The following MDGA2 variants were observed in gnomAD, a reference collection of about 807,000 sequenced individuals.
The protein encoded by MDGA2 is MAM domain-containing glycosylphosphatidylinositol anchor protein 2.
A neutral mutation model predicts 117.8 loss-of-function variants in MDGA2; 40 were observed. The observed-to-expected ratio is 0.34, with a 90% confidence interval of 0.26 to 0.44. The LOEUF (loss-of-function observed/expected upper bound fraction) is 0.44, where lower values mean the gene tolerates loss of function less well. Among genes scored for constraint, MDGA2 ranks in the 20% least tolerant of loss-of-function variants. The pLI is 1.00. For synonymous variants in MDGA2, 452 were observed against 439.0 expected (o/e 1.03, Z -0.37); for missense variants, 1,123 against 1,250.6 (o/e 0.90, Z 1.54).
intron 3 of MDGA2, among the ~76,000 whole-genome samples, chr14:47,183,664 G>A (rs1241349052): frequency 6.6e-6 from 1 of 151,998 alleles, no homozygotes; most frequent in East Asian, 1.9e-4. Flanking sequence ...CTTTGGGCTA[G>A]GAATTGCGCA....
chr14:47,062,634 C>T (rs770994616), intron 6 of MDGA2, among the ~76,000 whole-genome samples: 77 of 151,652 alleles, frequency 5.1e-4, no homozygotes, highest in Non-Finnish European at 1.0e-3. Context: ...AACATTAAGC[C>T]TAAATATGTA....
At chr14:47,185,330 T>C (rs897731949) in intron 3 of MDGA2, among the ~76,000 whole-genome samples, 2 of 151,522 alleles carry the variant, frequency 1.3e-5, no homozygotes, top group African/African-American at 2.4e-5. Flanking sequence ...CAGGTGGTGT[T>C]CTTTAATCAC....
At chr14:47,402,429 C>A (rs751915520) in intron 1 of MDGA2, among the ~76,000 whole-genome samples, 1 of 146,684 alleles carries the variant, frequency 6.8e-6, no homozygotes, top group African/African-American at 2.6e-5. Flanking sequence ...TTATTTGCTA[C>A]AATCAGAAGG....
At chr14:46,868,420 A>G (rs1160866643) in intron 14 of MDGA2, among the ~76,000 whole-genome samples, 3 of 151,926 alleles carry the variant, frequency 2.0e-5, no homozygotes, top group Non-Finnish European at 4.4e-5. Context: ...TCAAGCCTAC[A>G]GTTCAGCAGG....
intron 10 of MDGA2, among the ~76,000 whole-genome samples, chr14:46,911,729 T>C (rs1883712964): frequency 6.6e-6 from 1 of 152,216 alleles, no homozygotes; most frequent in African/African-American, 2.4e-5. Context: ...CCATGGCATA[T>C]TTCTGGTAAT....
At chr14:47,005,867 T>C (rs1184722206) in intron 8 of MDGA2, among the ~76,000 whole-genome samples, 2 of 151,690 alleles carry the variant, frequency 1.3e-5, no homozygotes, top group East Asian at 1.9e-4. Flanking sequence ...AAGCCACGTG[T>C]AGTATTTTTA....
chr14:47,228,783 A>G (rs1220711862), intron 2 of MDGA2, among the ~76,000 whole-genome samples: 4 of 152,144 alleles, frequency 2.6e-5, no homozygotes, highest in Admixed American at 2.0e-4. Flanking sequence ...AAAGGATACA[A>G]GCTCCTGAGT....
intron 11 of MDGA2, among the ~76,000 whole-genome samples, chr14:46,881,141 T>C (rs1288975763): frequency 6.6e-6 from 1 of 151,962 alleles, no homozygotes; most frequent in African/African-American, 2.4e-5. Flanking sequence ...GATATGTATA[T>C]AAATAAACTG....
intron 1 of MDGA2, among the ~76,000 whole-genome samples, chr14:47,632,953 C>T (rs1897264487): frequency 6.6e-6 from 1 of 152,080 alleles, no homozygotes; most frequent in Admixed American, 6.5e-5. Flanking sequence ...TTTGCAACTA[C>T]CTCCTCTTTA....
At chr14:47,533,871 AT>A (rs1202400214) in intron 1 of MDGA2, among the ~76,000 whole-genome samples, 1 of 152,214 alleles carries the variant, frequency 6.6e-6, no homozygotes, top group Non-Finnish European at 1.5e-5. Flanking sequence ...TAATTATTAT[AT>A]TGTTATTTGA....
intron 7 of MDGA2, among the ~76,000 whole-genome samples, chr14:47,047,732 TTTTG>T (rs1332860231): frequency 6.6e-6 from 1 of 152,050 alleles, no homozygotes; most frequent in Non-Finnish European, 1.5e-5. Flanking sequence ...TCTATATAGA[TTTTG>T]TTTTATTCAT....
At chr14:47,556,481 A>T (rs1895685439) in intron 1 of MDGA2, among the ~76,000 whole-genome samples, 1 of 152,166 alleles carries the variant, frequency 6.6e-6, no homozygotes, top group Non-Finnish European at 1.5e-5. Context: ...CATTTTAAAG[A>T]CAATTTTTCT....
chr14:47,411,028 C>T (rs2138485558), intron 1 of MDGA2, among the ~76,000 whole-genome samples: 1 of 152,228 alleles, frequency 6.6e-6, no homozygotes, highest in East Asian at 1.9e-4. Flanking sequence ...ATGTGTTTGG[C>T]AGGCCACTGG....
chr14:47,187,120 TG>T (rs2139391626), intron 3 of MDGA2, among the ~76,000 whole-genome samples: 1 of 151,740 alleles, frequency 6.6e-6, no homozygotes, highest in Non-Finnish European at 1.5e-5. Context: ...GGTGGGGAAA[TG>T]GGGGCACAAC....
chr14:47,257,137 C>T (rs772064558), intron 2 of MDGA2, among the ~76,000 whole-genome samples: 153 of 152,204 alleles, frequency 1.0e-3, no homozygotes, highest in Non-Finnish European at 8.5e-4. Flanking sequence ...CTGTTCAAAG[C>T]ACTCTAAATA....
intron 9 of MDGA2, among the ~76,000 whole-genome samples, chr14:46,943,374 T>C (rs911695986): frequency 2.0e-5 from 3 of 152,022 alleles, no homozygotes; most frequent in Admixed American, 1.3e-4. Flanking sequence ...CTAATTGGAA[T>C]CTTAAACTCA....
At chr14:47,341,777 T>C (rs1306816091) in intron 1 of MDGA2, among the ~76,000 whole-genome samples, 1 of 152,150 alleles carries the variant, frequency 6.6e-6, no homozygotes. Context: ...AGGGCTGAAG[T>C]GGAGAAAACA....
intron 11 of MDGA2, among the ~76,000 whole-genome samples, chr14:46,878,371 G>T (rs181610759): frequency 6.6e-6 from 1 of 152,040 alleles, no homozygotes; most frequent in East Asian, 1.9e-4. Context: ...GATTACAATG[G>T]GCAGAATGTA....
At chr14:46,963,890 G>A (rs970306282) in intron 8 of MDGA2, among the ~76,000 whole-genome samples, 1 of 152,122 alleles carries the variant, frequency 6.6e-6, no homozygotes, top group Non-Finnish European at 1.5e-5. Context: ...GAATACTTGA[G>A]TGGTGTTAAA....
Sources: allele counts gnomAD v4.1 joint callset (sites outside exome capture counted in the v4.1 genomes callset), GRCh38; gene constraint gnomAD v4.1.1; transcripts MANE v1.5; gene names NCBI Gene and HGNC (gene_info 2026-07-23, HGNC 2026-07-21).